GPC5: variants seen among roughly 807,000 people sequenced by gnomAD.
The protein encoded by GPC5 is glypican-5.
Under a neutral mutation model 53.9 loss-of-function variants are expected in GPC5, and 47 were observed. That is an observed-to-expected ratio of 0.87 (90% CI 0.69 to 1.11). The LOEUF is 1.11. GPC5 is among the 50% of genes most tolerant of loss of function. The pLI is 0.00. For synonymous variants in GPC5, 286 were observed against 263.3 expected, an observed-to-expected ratio of 1.09 and a Z score of -0.84; for missense variants, 748 against 713.1, an observed-to-expected ratio of 1.05 and a Z score of -0.56.
intron 7 of GPC5, among the ~76,000 whole-genome samples, chr13:92,506,214 A>C (rs1400399031): frequency 6.6e-6 from 1 of 152,174 alleles, no homozygotes; most frequent in African/African-American, 2.4e-5. Flanking sequence ...TGAAAATGCA[A>C]AATAAAGGCT....
chr13:92,671,013 A>C lies in GPC5; in HGVS notation c.1562-195269A>C, dbSNP rs112303928. ...TCTCAGAAAAAGATCACCCGTAAGC[A>C]TAATAGTACAGGGGTAGTCTGAAGT... is the stretch of plus-strand genomic sequence containing the variant. On this transcript the variant is annotated intron_variant, in intron 7 of 7. Transcript: ENST00000377067. Among the ~76,000 whole-genome samples the C allele has an allele frequency of 2.5e-3, 376 of 152,290 alleles. 2 individuals carry two copies. The highest frequency in any genetic ancestry group is 8.4e-3 in the African/African-American group (348 of 41,572).
At chr13:92,122,644 A>G (rs1180118208) in intron 6 of GPC5, among the ~76,000 whole-genome samples, 1 of 149,296 alleles carries the variant, frequency 6.7e-6, no homozygotes, top group Non-Finnish European at 1.5e-5. Flanking sequence ...AACAGCATCC[A>G]TTGCTGTTAC....
At chr13:91,959,057 A>AACACAC (rs147785443) in intron 6 of GPC5, among the ~76,000 whole-genome samples, 4,304 of 127,592 alleles carry the variant, frequency 0.034, 88 homozygotes, top group African/African-American at 0.053. Flanking sequence ...GAATGGAGAC[A>AACACAC]ACACACACAC....
chr13:92,812,351 A>G (rs1877326661), intron 7 of GPC5, among the ~76,000 whole-genome samples: 1 of 151,622 alleles, frequency 6.6e-6, no homozygotes, highest in Non-Finnish European at 1.5e-5. Flanking sequence ...TGTTTTCTTA[A>G]TTTTCTTTTT....
chr13:91,732,720 A>G (rs1046389949), intron 4 of GPC5, among the ~76,000 whole-genome samples: 1 of 152,146 alleles, frequency 6.6e-6, no homozygotes, highest in African/African-American at 2.4e-5. Context: ...GAAGGGGTCC[A>G]GTTTCAGTTT....
chr13:92,355,289 T>TAA (rs386380217), intron 7 of GPC5, among the ~76,000 whole-genome samples: 7 of 143,620 alleles, frequency 4.9e-5, no homozygotes, highest in African/African-American at 1.8e-4. Context: ...TATATAAAGC[T>TAA]AAAAAAAAAA....
intron 6 of GPC5, among the ~76,000 whole-genome samples, chr13:92,119,350 T>C (rs2041626399): frequency 6.7e-6 from 1 of 148,984 alleles, no homozygotes; most frequent in Admixed American, 6.7e-5. Context: ...GGGAACACAG[T>C]CAAATCATAT....
intron 5 of GPC5, among the ~76,000 whole-genome samples, chr13:91,825,597 A>C (rs984016601): frequency 6.6e-6 from 1 of 152,072 alleles, no homozygotes; most frequent in African/African-American, 2.4e-5. Context: ...ATCACAGAAA[A>C]ATGGCCAAAA....
At chr13:92,074,007 C>T (rs895146178) in intron 6 of GPC5, among the ~76,000 whole-genome samples, 1 of 152,146 alleles carries the variant, frequency 6.6e-6, no homozygotes, top group Non-Finnish European at 1.5e-5. Context: ...GTGTTTGCTT[C>T]CCCTTCTGTT....
chr13:92,594,129 T>C (rs1423449714), intron 7 of GPC5, among the ~76,000 whole-genome samples: 1 of 152,188 alleles, frequency 6.6e-6, no homozygotes, highest in Non-Finnish European at 1.5e-5. Context: ...GCCAGAAAGA[T>C]ATAATTCTAT....
chr13:92,372,792 C>G (rs1200074289), intron 7 of GPC5, among the ~76,000 whole-genome samples: 2 of 152,132 alleles, frequency 1.3e-5, no homozygotes, highest in African/African-American at 2.4e-5. Context: ...TAATTACTCT[C>G]AGGCTGAAAG....
intron 5 of GPC5, among the ~76,000 whole-genome samples, chr13:91,904,045 T>A (rs1441608336): frequency 6.6e-6 from 1 of 151,926 alleles, no homozygotes; most frequent in Non-Finnish European, 1.5e-5. Context: ...CTTCTCACCC[T>A]GCCAACAACA....
chr13:91,520,455 A>G (rs371523363), intron 2 of GPC5, among the ~76,000 whole-genome samples: 65 of 152,286 alleles, frequency 4.3e-4, no homozygotes, highest in African/African-American at 1.5e-3. Flanking sequence ...TGGGCCTCAG[A>G]CAATCACTTG....
At chr13:92,543,986 T>C (rs1046274922) in intron 7 of GPC5, among the ~76,000 whole-genome samples, 12 of 152,004 alleles carry the variant, frequency 7.9e-5, no homozygotes, top group African/African-American at 2.7e-4. Flanking sequence ...TTGTTTTTTT[T>C]TTAAATACTA....
Position 92,146,601 on chromosome 13 carries a change from A to T in GPC5, c.1561+1612A>T, listed in dbSNP as rs192998356. 1.6e-3 allele frequency among the ~76,000 whole-genome samples: 237 copies of T among 152,184 alleles called. 1 individual carries two copies. Among genetic ancestry groups the T allele is most frequent in the African/African-American group, 5.3e-3 (221 of 41,534 alleles). On this transcript the variant is annotated intron_variant, in intron 7 of 7. Coordinates refer to ENST00000377067, the MANE Select transcript of GPC5 (RefSeq NM_004466.6). ...TAGTGGTGATTTGTGAGATTTGGGT[A>T]CATCCATCATCTGAGCAGTATACAT...
At chr13:92,180,814 C>A in intron 7 of GPC5, 1 of 232,272 alleles carries the variant, frequency 4.3e-6, no homozygotes, top group South Asian at 6.4e-5. Context: ...ATTTTCTTTC[C>A]TTCCCATCCC....
At chr13:91,736,272 G>GA (rs1183211651) in intron 4 of GPC5, among the ~76,000 whole-genome samples, 17 of 151,394 alleles carry the variant, frequency 1.1e-4, no homozygotes, top group Middle Eastern at 6.8e-3. Context: ...CTGTATCTGA[G>GA]AAAATATAGG....
intron 7 of GPC5, among the ~76,000 whole-genome samples, chr13:92,863,647 C>T (rs1566450429): frequency 6.6e-6 from 1 of 152,102 alleles, no homozygotes; most frequent in Non-Finnish European, 1.5e-5. Context: ...GCACGCACCA[C>T]CACACCTGGC....
chr13:92,559,798 T>C (rs1218639885), intron 7 of GPC5, among the ~76,000 whole-genome samples: 1 of 151,570 alleles, frequency 6.6e-6, no homozygotes, highest in Non-Finnish European at 1.5e-5. Context: ...ATTTGGTATC[T>C]CATGTCTGCT....
Sources: gnomAD v4.1 joint callset for allele counts (sites outside exome capture counted in the v4.1 genomes callset) on GRCh38, gnomAD v4.1.1 for gene constraint, MANE v1.5 for transcripts, NCBI Gene and HGNC (gene_info 2026-07-23, HGNC 2026-07-21) for gene names.